The following LRP2 variants were observed in gnomAD, a reference collection of about 807,000 sequenced individuals.
LRP2 encodes LDL receptor related protein 2.
LRP2 carries 172 observed loss-of-function variants against 531.0 expected under a neutral mutation model. The observed-to-expected ratio is 0.32, with a 90% CI of 0.29 to 0.37. The LOEUF (loss-of-function observed/expected upper bound fraction) is 0.37, where lower values mean the gene tolerates loss of function less well. Among genes scored for constraint, LRP2 ranks in the 10% least tolerant of loss-of-function variants. LRP2 has a pLI of 1.00. For synonymous variants in LRP2, 1,992 were observed against 2,027.6 expected, an observed-to-expected ratio of 0.98 and a Z score of 0.47; for missense variants, 5,167 against 5,868.3, an observed-to-expected ratio of 0.88 and a Z score of 3.90.
chr2:169,222,698 A>G (rs1395790553), intron 33 of LRP2, among the ~76,000 whole-genome samples: 1 of 152,228 alleles, frequency 6.6e-6, no homozygotes, highest in Non-Finnish European at 1.5e-5. Flanking sequence ...TGAAAATAGA[A>G]CAATTATAAA....
intron 70 of LRP2, 144 bp from the exon 71 acceptor site, chr2:169,142,937 C>A (rs576704967): frequency 4.7e-6 from 4 of 848,010 alleles, no homozygotes; most frequent in Admixed American, 3.8e-5. Context: ...TGGCCACTCA[C>A]CCTCATTTAC....
intron 2 of LRP2, 48 bp from the exon 3 acceptor site, chr2:169,318,932 T>C: frequency 1.2e-6 from 2 of 1,611,632 alleles, no homozygotes; most frequent in Non-Finnish European, 1.7e-6. Flanking sequence ...TCCTCCCCAT[T>C]ATACTAGCAA....
intron 5 of LRP2, 67 bp from the exon 6 acceptor site, chr2:169,294,328 AAAGG>A: frequency 1.0e-6 from 1 of 954,518 alleles, no homozygotes; most frequent in Non-Finnish European, 1.7e-6. Context: ...ATTTAATCTC[AAAGG>A]AAGAGCATCT....
Position 169,212,049 on chromosome 2 carries a change from C to G in LRP2, c.6199G>C (p.Val2067Leu), listed in dbSNP as rs1688612794. 6.2e-7 allele frequency: 1 copy of G among 1,613,928 alleles called. No homozygotes were observed. The highest frequency in any genetic ancestry group is 8.5e-7 in the Non-Finnish European group (1 of 1,179,914). The part of the protein sequence containing the change: ...SCSPYNSFIV[V>L]SMLSAIRGFS... Reference sequence around the variant, plus strand: ...CCTCTGATTGCAGACAGCATTGAAACAACAATGAAAGAGTTATATGGAGAG... The same window carrying G: ...CCTCTGATTGCAGACAGCATTGAAAGAACAATGAAAGAGTTATATGGAGAG... The change falls in exon 37 of 79, where the codon GTT becomes CTT. Residue 2067 changes from valine (V) to leucine (L), a missense_variant. By Grantham distance (32) the Val-to-Leu change is conservative (BLOSUM62 1). Coordinates refer to ENST00000649046, the MANE Select transcript of LRP2 (RefSeq NM_004525.3).
chr2:169,273,775 A>T (rs960802948), intron 14 of LRP2, among the ~76,000 whole-genome samples: 1 of 152,120 alleles, frequency 6.6e-6, no homozygotes, highest in East Asian at 1.9e-4. Flanking sequence ...TTATCTTCTC[A>T]GGTGGATTGA....
intron 69 of LRP2, among the ~76,000 whole-genome samples, chr2:169,146,125 A>G (rs1250601815): frequency 6.6e-6 from 1 of 152,202 alleles, no homozygotes; most frequent in Non-Finnish European, 1.5e-5. Context: ...AAGAAGATAG[A>G]AATTAAACCA....
chr2:169,204,163 A>C lies in LRP2; in HGVS notation c.7824T>G (p.Thr2608=). The C allele has an allele frequency of 2.5e-6, 4 of 1,614,212 alleles. No homozygotes were observed. In the South Asian group the frequency reaches 4.4e-5, roughly 18 times the overall value. Residue 2608 remains threonine (T), a synonymous_variant, in exon 42 of 79, where the codon ACT becomes ACG. Transcript: ENST00000649046. ...GGTAAATTCTTTGTGTGTACAAGTC[A>C]GTCCAGTAAATATACTGGCCATAGA... ...LTLYGQYIYW[T]DLYTQRIYRA...
intron 16 of LRP2, among the ~76,000 whole-genome samples, chr2:169,263,062 A>G (rs1690636452): frequency 6.6e-6 from 1 of 152,232 alleles, no homozygotes; most frequent in African/African-American, 2.4e-5. Context: ...CTGAAACTGG[A>G]TCCCTTCCTT....
intron 41 of LRP2, among the ~76,000 whole-genome samples, chr2:169,204,615 C>T (rs1237060948): frequency 6.6e-5 from 10 of 152,184 alleles, no homozygotes; most frequent in Non-Finnish European, 1.3e-4. Context: ...ACTTTTCCAT[C>T]CCACTTCCTT....
intron 44 of LRP2, among the ~76,000 whole-genome samples, chr2:169,200,117 G>A (rs1688151004): frequency 6.6e-6 from 1 of 152,146 alleles, no homozygotes; most frequent in Non-Finnish European, 1.5e-5. Flanking sequence ...CAGGCATGGT[G>A]GCGGGTGCCT....
chr2:169,307,450 T>C, intron 3 of LRP2, 53 bp from the exon 4 acceptor site: 1 of 1,029,670 alleles, frequency 9.7e-7, no homozygotes. Context: ...AGACACAGAC[T>C]AATCTATTGT....
Position 169,244,881 on chromosome 2 carries a change from G to C in LRP2, c.3242C>G (p.Pro1081Arg). ...GCGTTTGTCACAGCGCCAGTGTGCA[G>C]GAATGCACTCCCCATGGCCACAGGT... The part of the protein sequence containing the change: ...AFTCGHGECI[P>R]AHWRCDKRND... The change falls in exon 22 of 79, where the codon CCT becomes CGT. Residue 1081 changes from proline to arginine, a missense_variant. By Grantham distance (103) the Pro-to-Arg change is moderately radical. Coordinates refer to ENST00000649046, the MANE Select transcript of LRP2 (RefSeq NM_004525.3). 1.2e-6 allele frequency: 2 copies of C among 1,614,230 alleles called. No homozygotes were observed. Among genetic ancestry groups the C allele is most frequent in the Non-Finnish European group, 1.7e-6 (2 of 1,180,034 alleles).
At chr2:169,210,340 G>A (rs1398124346) in intron 37 of LRP2, among the ~76,000 whole-genome samples, 2 of 152,188 alleles carry the variant, frequency 1.3e-5, no homozygotes, top group African/African-American at 4.8e-5. Context: ...AAGCAGCAGT[G>A]TAGCAGTGAC....
rs765266983 is a variant in LRP2 at position 169,181,462 on chromosome 2, G to A, written c.10155C>T (p.His3385=). The change falls in exon 52 of 79, where the codon CAC becomes CAT. Residue 3385 remains histidine, a synonymous_variant. Coordinates refer to ENST00000649046, the MANE Select transcript of LRP2 (RefSeq NM_004525.3). Reference sequence around the variant, plus strand: ...TATGTACGTACTCTATGTAACCCAGGTGGGCATCTGCCCAGTAGAGTAGAT... The same window carrying A: ...TATGTACGTACTCTATGTAACCCAGATGGGCATCTGCCCAGTAGAGTAGAT... ...TNDLLYWADA[H]LGYIEYSDLE... 6 of 1,613,938 alleles carry A rather than the reference G, an allele frequency of 3.7e-6. No homozygotes were observed. The highest frequency in any genetic ancestry group is 2.7e-5 in the African/African-American group (2 of 75,052).
chr2:169,147,026 AGG>A, intron 68 of LRP2, 67 bp from the exon 69 acceptor site: 1 of 1,209,136 alleles, frequency 8.3e-7, no homozygotes, highest in South Asian at 1.3e-5. Context: ...AGCAGAGCAC[AGG>A]GCATTACCTA....
In LRP2 at chr2:169,275,094, G is replaced by A. The variant is rs201649188; in HGVS notation, c.1917C>T (p.Tyr639=). The A allele has an allele frequency of 1.8e-5, 29 of 1,613,780 alleles. No individual in the cohort carries two copies. Among genetic ancestry groups the A allele is most frequent in the Non-Finnish European group, 2.3e-5 (27 of 1,179,844 alleles). Residue 639 remains tyrosine, a synonymous_variant, in exon 14 of 79, where the codon TAC becomes TAT. Coordinates refer to ENST00000649046, the MANE Select transcript of LRP2 (RefSeq NM_004525.3). ...KFTETNPQVY[Y]QASLRPYGVT... ...CTCCATAGGGCCTCAGGGAAGCCTG[G>A]TAGTACACTTGTGGGTTGGTCTCTG...
At chr2:169,247,639 T>C (rs1185875827) in intron 19 of LRP2, 124 bp from the exon 20 acceptor site, 3 of 1,016,608 alleles carry the variant, frequency 3.0e-6, no homozygotes, top group Admixed American at 1.9e-5. Context: ...CATAAATATC[T>C]GTAATATGTT....
rs541053235 is a variant in LRP2 at position 169,267,853 on chromosome 2, C to T, written c.2320+3051G>A. Among the ~76,000 whole-genome samples, 123 of 151,926 alleles carry T rather than the reference C, an allele frequency of 8.1e-4. 1 individual carries two copies. The highest frequency in any genetic ancestry group is 2.8e-3 in the African/African-American group (115 of 41,452). On this transcript the variant is annotated intron_variant, in intron 16 of 78. Transcript: ENST00000649046. The stretch of plus-strand genomic sequence containing the variant: ...GAAAAAATGAACAAAATTGATAGAC[C>T]GCTAGCAAGACTAATAAAGAAGAAA...
chr2:169,282,892 A>G lies in LRP2; in HGVS notation c.1152T>C (p.Tyr384=). 2 of 1,614,126 alleles carry G rather than the reference A, an allele frequency of 1.2e-6. No individual in the cohort carries two copies. The highest frequency in any genetic ancestry group is 1.3e-5 in the African/African-American group (1 of 75,072). Reference sequence around the variant, plus strand: ...ACTCACAGGAATCATTAGCTTTGCAATACTGTCCACGCTCCAAGATATACC... The same window carrying G: ...ACTCACAGGAATCATTAGCTTTGCAGTACTGTCCACGCTCCAAGATATACC... The part of the protein sequence containing the change: ...EEGYILERGQ[Y]CKANDSFGEA... Residue 384 remains tyrosine (Y), a synonymous_variant, in exon 10 of 79, where the codon TAT becomes TAC. Transcript: ENST00000649046.
Sources: allele counts gnomAD v4.1 joint callset (sites outside exome capture counted in the v4.1 genomes callset), GRCh38; gene constraint gnomAD v4.1.1; transcripts MANE v1.5; gene names NCBI Gene and HGNC (gene_info 2026-07-23, HGNC 2026-07-21).